SCMH1: variants seen among roughly 807,000 people sequenced by gnomAD.
SCMH1 encodes polycomb protein SCMH1.
In SCMH1, 37 loss-of-function variants were observed where a neutral mutation model predicts 70.8. The observed-to-expected ratio is 0.52, with a 90% CI of 0.40 to 0.69. The LOEUF is 0.69. Ranked by LOEUF, SCMH1 falls within the 30% of genes least tolerant of loss-of-function variation. The pLI, the probability that SCMH1 is intolerant of heterozygous loss-of-function variation, is 0.00. For missense variants in SCMH1, 607 were observed against 827.3 expected, an observed-to-expected ratio of 0.73 and a Z score of 3.27; for synonymous variants, 292 against 307.4, an observed-to-expected ratio of 0.95 and a Z score of 0.52.
At chr1:41,065,493 A>G (rs1475960234) in intron 10 of SCMH1, among the ~76,000 whole-genome samples, 8 of 152,194 alleles carry the variant, frequency 5.3e-5, no homozygotes, top group Non-Finnish European at 1.2e-4. Flanking sequence ...AACCAAACTG[A>G]ATCTAAACTT....
chr1:41,040,109 A>G (rs1473403400), intron 12 of SCMH1, among the ~76,000 whole-genome samples: 2 of 152,206 alleles, frequency 1.3e-5, no homozygotes, highest in African/African-American at 4.8e-5. Context: ...ATGGAGAGGA[A>G]AAATGCTTAA....
intron 13 of SCMH1, 71 bp from the exon 15 acceptor site, chr1:41,028,797 A>G (rs1644099190): frequency 6.5e-7 from 1 of 1,546,944 alleles, no homozygotes; most frequent in Non-Finnish European, 8.9e-7. Flanking sequence ...TCTCCTTGGC[A>G]CATCTCAGTG....
At chr1:41,163,511 CT>C (rs556592903) in intron 2 of SCMH1, among the ~76,000 whole-genome samples, 7 of 152,298 alleles carry the variant, frequency 4.6e-5, no homozygotes, top group African/African-American at 1.7e-4. Context: ...GAGAAAGGGT[CT>C]TCAAAGAGAT....
Position 41,182,724 on chromosome 1 carries a change from G to T in SCMH1, c.13+3397C>A, listed in dbSNP as rs150753865. On this transcript the variant is annotated intron_variant, in intron 2 of 14. Transcript: ENST00000337495. ...AGACTCTGTCTTAAAAACAAAAAAA[G>T]ACAAAAACAAAAAAAACAATGAAAA... Among the ~76,000 whole-genome samples the T allele has an allele frequency of 2.3e-4, 35 of 151,138 alleles. No homozygotes were observed. The East Asian group carries it at 6.6e-3, about 29-fold the overall frequency.
intron 4 of SCMH1, among the ~76,000 whole-genome samples, chr1:41,156,477 G>C (rs1381151926): frequency 6.6e-6 from 1 of 152,012 alleles, no homozygotes; most frequent in Non-Finnish European, 1.5e-5. Flanking sequence ...CTTTGAGTCA[G>C]TGTCAGGCTG....
chr1:41,153,805 G>A (rs1034854857), intron 4 of SCMH1, among the ~76,000 whole-genome samples: 1 of 152,164 alleles, frequency 6.6e-6, no homozygotes, highest in African/African-American at 2.4e-5. Context: ...GACTTAGTAA[G>A]AATGTTTGGA....
chr1:41,037,247 C>A (rs1645434450), intron 13 of SCMH1, 115 bp downstream of exon 13: 1 of 1,056,896 alleles, frequency 9.5e-7, no homozygotes. Flanking sequence ...GTCCCTAGTC[C>A]CACCACCAGG....
intron 8 of SCMH1, among the ~76,000 whole-genome samples, chr1:41,087,026 T>TGGTACACCAATGGACA (rs1661903771): frequency 1.3e-5 from 2 of 152,088 alleles, no homozygotes; most frequent in South Asian, 4.1e-4. Flanking sequence ...ACTGTGGTAC[T>TGGTACACCAATGGACA]GGTACACCAA....
chr1:41,028,785 A>T, intron 13 of SCMH1, 59 bp from the exon 15 acceptor site: 2 of 1,580,698 alleles, frequency 1.3e-6, no homozygotes, highest in Non-Finnish European at 1.7e-6. Context: ...AATCCCCACC[A>T]CTCTCCTTGG....
chr1:41,028,451 T>C, intron 14 of SCMH1, 132 bp from the exon 16 acceptor site: 1 of 1,499,798 alleles, frequency 6.7e-7, no homozygotes, highest in South Asian at 1.2e-5. Flanking sequence ...TCACCTGCTG[T>C]GATGCTGAAG....
At chr1:41,108,369 C>T (rs1318702597) in intron 8 of SCMH1, among the ~76,000 whole-genome samples, 1 of 152,134 alleles carries the variant, frequency 6.6e-6, no homozygotes, top group Admixed American at 6.5e-5. Context: ...GCTTTCCCAG[C>T]CTGAAATCAG....
intron 2 of SCMH1, among the ~76,000 whole-genome samples, chr1:41,182,476 G>A (rs868177870): frequency 2.0e-5 from 3 of 152,292 alleles, no homozygotes; most frequent in Middle Eastern, 3.4e-3. Context: ...CAGTACTTTG[G>A]GAGGCCAAGG....
chr1:41,068,175 G>C (rs1395983146), intron 10 of SCMH1, among the ~76,000 whole-genome samples: 1 of 152,040 alleles, frequency 6.6e-6, no homozygotes, highest in Non-Finnish European at 1.5e-5. Flanking sequence ...TGCCACTGGA[G>C]TACTAAATAA....
intron 11 of SCMH1, among the ~76,000 whole-genome samples, chr1:41,046,992 A>T (rs12406620): frequency 0.11 from 16,526 of 152,256 alleles, 1,278 homozygotes; most frequent in East Asian, 0.28. Flanking sequence ...AGAAGAGTAG[A>T]ATATAGCCAT....
chr1:41,049,766 CA>C (rs11400346), intron 10 of SCMH1, among the ~76,000 whole-genome samples: 79 of 123,204 alleles, frequency 6.4e-4, no homozygotes, highest in Middle Eastern at 4.3e-3. Flanking sequence ...GAATTGGTCT[CA>C]AAAAAAAAAA....
At chr1:41,201,848 A>G (rs1654426875) in intron 1 of SCMH1, among the ~76,000 whole-genome samples, 1 of 152,234 alleles carries the variant, frequency 6.6e-6, no homozygotes, top group Non-Finnish European at 1.5e-5. Context: ...CAAGCAATCT[A>G]AACAGCTCAG....
chr1:41,095,837 T>C (rs1327183952), intron 8 of SCMH1, among the ~76,000 whole-genome samples: 1 of 152,054 alleles, frequency 6.6e-6, no homozygotes, highest in Non-Finnish European at 1.5e-5. Context: ...AAAAGAAAAT[T>C]TGGACCATTA....
chr1:41,200,396 C>T (rs1330729784), intron 1 of SCMH1, among the ~76,000 whole-genome samples: 1 of 151,954 alleles, frequency 6.6e-6, no homozygotes, highest in Non-Finnish European at 1.5e-5. Context: ...AGGAGAATGG[C>T]GTGAACCCAG....
At chr1:41,070,901 GAC>G (rs994794184) in intron 9 of SCMH1, among the ~76,000 whole-genome samples, 180 bp from the exon 10 acceptor site, 30 of 152,174 alleles carry the variant, frequency 2.0e-4, no homozygotes, top group African/African-American at 7.0e-4. Context: ...ATGCTTAGTA[GAC>G]ATTTTCTGAA....
Sources: gnomAD v4.1 joint callset for allele counts (sites outside exome capture counted in the v4.1 genomes callset) on GRCh38, gnomAD v4.1.1 for gene constraint, MANE v1.5 for transcripts, NCBI Gene and HGNC (gene_info 2026-07-23, HGNC 2026-07-21) for gene names.